Variants in HOMER1 observed in about 807,000 individuals in gnomAD.
HOMER1 encodes the protein homer scaffold protein 1, also known as homer protein homolog 1.
In HOMER1, 3 loss-of-function variants were observed where a neutral mutation model predicts 48.9. The observed-to-expected ratio is 0.06, with a 90% CI of 0.03 to 0.16. HOMER1 has a LOEUF of 0.16. HOMER1 is among the 10% of genes least tolerant of loss of function. The pLI is 1.00. For synonymous variants in HOMER1, 134 were observed against 146.4 expected (o/e 0.92, Z 0.61); for missense variants, 247 against 411.4 (o/e 0.60, Z 3.46).
chr5:79,400,010 T>G (rs916516060), intron 6 of HOMER1, among the ~76,000 whole-genome samples: 3 of 152,156 alleles, frequency 2.0e-5, no homozygotes, highest in Non-Finnish European at 4.4e-5. Context: ...AGAGAAAATT[T>G]CTTAAGGGCA....
At chr5:79,455,557 T>A (rs1380704500) in intron 2 of HOMER1, among the ~76,000 whole-genome samples, 1 of 152,242 alleles carries the variant, frequency 6.6e-6, no homozygotes, top group Admixed American at 6.5e-5. Flanking sequence ...GTGAGTCAAG[T>A]AAACCTCTTT....
intron 5 of HOMER1, among the ~76,000 whole-genome samples, chr5:79,402,931 A>G (rs1370998612): frequency 1.3e-5 from 2 of 152,202 alleles, no homozygotes; most frequent in African/African-American, 4.8e-5. Flanking sequence ...CTAGGCCTAC[A>G]AACTGGTTCT....
chr5:79,394,271 T>C (rs1390138793), intron 8 of HOMER1, among the ~76,000 whole-genome samples: 1 of 152,196 alleles, frequency 6.6e-6, no homozygotes, highest in African/African-American at 2.4e-5. Flanking sequence ...TGATCCCAAT[T>C]TTCTGTACTG....
chr5:79,410,903 T>G (rs540792884), intron 5 of HOMER1, among the ~76,000 whole-genome samples: 1 of 152,306 alleles, frequency 6.6e-6, no homozygotes, highest in Non-Finnish European at 1.5e-5. Context: ...AGGTACAGTT[T>G]TGGTAGTTTT....
At chr5:79,461,120 G>A (rs1380266690) in intron 1 of HOMER1, among the ~76,000 whole-genome samples, 1 of 152,126 alleles carries the variant, frequency 6.6e-6, no homozygotes, top group Non-Finnish European at 1.5e-5. Flanking sequence ...TTTATGATGG[G>A]TATGTTTCAA....
At chr5:79,451,556 CTTTTTTTTTTTTTTTT>C (rs71615542) in intron 2 of HOMER1, among the ~76,000 whole-genome samples, 1 of 64,632 alleles carries the variant, frequency 1.5e-5, no homozygotes, top group Admixed American at 2.2e-4. Context: ...AAATATGACA[CTTTTTTTTTTTTTTTT>C]TTTTTTTTTT....
chr5:79,426,734 G>C (rs1750266862), intron 5 of HOMER1, among the ~76,000 whole-genome samples: 1 of 152,046 alleles, frequency 6.6e-6, no homozygotes, highest in African/African-American at 2.4e-5. Context: ...TGGTAGCACA[G>C]TAAGGCAACT....
intron 8 of HOMER1, among the ~76,000 whole-genome samples, chr5:79,396,056 G>T (rs1287790947): frequency 6.6e-6 from 1 of 151,968 alleles, no homozygotes; most frequent in Non-Finnish European, 1.5e-5. Context: ...TAACGCTGAG[G>T]GTGTAAGAAA....
chr5:79,493,012 A>G (rs1001780471), intron 1 of HOMER1, among the ~76,000 whole-genome samples: 2 of 142,508 alleles, frequency 1.4e-5, no homozygotes, highest in Admixed American at 1.5e-4. Context: ...TCCGCCTTCC[A>G]GGTTCAAGCA....
intron 5 of HOMER1, among the ~76,000 whole-genome samples, chr5:79,423,668 C>T (rs1010689349): frequency 4.6e-5 from 7 of 152,122 alleles, no homozygotes; most frequent in Non-Finnish European, 2.9e-5. Context: ...GTCTCATGCT[C>T]AGCCATGGAA....
At chr5:79,475,680 T>C (rs973217992) in intron 1 of HOMER1, among the ~76,000 whole-genome samples, 7 of 152,204 alleles carry the variant, frequency 4.6e-5, no homozygotes, top group African/African-American at 1.4e-4. Context: ...TAATCTGTTA[T>C]AGAAGTGGGA....
At chr5:79,486,788 G>T (rs572646353) in intron 1 of HOMER1, among the ~76,000 whole-genome samples, 66 of 152,284 alleles carry the variant, frequency 4.3e-4, no homozygotes, top group African/African-American at 1.5e-3. Context: ...TATAGACTAT[G>T]GTAGGAAGTT....
At chr5:79,462,728 G>A (rs1204070283) in intron 1 of HOMER1, among the ~76,000 whole-genome samples, 4 of 152,180 alleles carry the variant, frequency 2.6e-5, no homozygotes, top group Non-Finnish European at 5.9e-5. Context: ...CACTTGGATA[G>A]CTCTGATTTT....
intron 5 of HOMER1, among the ~76,000 whole-genome samples, chr5:79,414,333 G>A (rs1264010231): frequency 1.3e-5 from 2 of 151,238 alleles, no homozygotes; most frequent in African/African-American, 4.9e-5. Flanking sequence ...GGACTCAAGC[G>A]ATCCACCCTC....
At chr5:79,396,979 A>T in intron 7 of HOMER1, 76 bp from the exon 8 acceptor site, 3 of 767,006 alleles carry the variant, frequency 3.9e-6, no homozygotes, top group South Asian at 3.3e-5. Context: ...CCCTGAAATT[A>T]TTGTTCTAGT....
intron 2 of HOMER1, among the ~76,000 whole-genome samples, chr5:79,451,947 G>A (rs780110358): frequency 3.3e-5 from 5 of 152,110 alleles, no homozygotes; most frequent in Admixed American, 1.3e-4. Flanking sequence ...ACTTGCAATC[G>A]TTTAGTACTT....
chr5:79,458,498 G>A (rs182003265), intron 1 of HOMER1, among the ~76,000 whole-genome samples: 6 of 151,958 alleles, frequency 3.9e-5, no homozygotes, highest in Admixed American at 3.3e-4. Context: ...TTAGAAAAAC[G>A]GCAAGGCAAA....
At chr5:79,450,912 T>A in intron 3 of HOMER1, 78 bp downstream of exon 3, 2 of 1,354,012 alleles carry the variant, frequency 1.5e-6, no homozygotes, top group Admixed American at 4.0e-5. Context: ...TATTTTATAC[T>A]CTCCATTTGG....
Position 79,451,052 on chromosome 5 carries a change from C to A in HOMER1, c.232G>T (p.Ala78Ser). The change falls in exon 3 of 9, where the codon GCT (alanine) becomes TCT (serine). Residue 78 changes from alanine (A) to serine (S), a missense_variant. Transcript: ENST00000334082. ...TKTSQKFGQW[A>S]DSRANTVYGL... ...TAAACGGTGTTTGCCCGGCTATCAG[C>A]CCACTGGCCAAACTTCTGAGATGTT... is the stretch of plus-strand genomic sequence containing the variant. 6.2e-7 allele frequency: 1 copy of A among 1,613,860 alleles called. No individual in the cohort carries two copies. The highest frequency in any genetic ancestry group is 8.5e-7 in the Non-Finnish European group (1 of 1,179,806).
Sources: allele counts gnomAD v4.1 joint callset (sites outside exome capture counted in the v4.1 genomes callset), GRCh38; gene constraint gnomAD v4.1.1; transcripts MANE v1.5; gene names NCBI Gene and HGNC (gene_info 2026-07-23, HGNC 2026-07-21).